The following AP2S1 variants were observed in gnomAD, a reference collection of about 807,000 sequenced individuals.
The protein encoded by AP2S1 is adaptor related protein complex 2 subunit sigma 1.
AP2S1 carries 6 observed loss-of-function variants against 21.0 expected under a neutral mutation model. The observed-to-expected ratio is 0.29, with a 90% CI of 0.16 to 0.56. The LOEUF (loss-of-function observed/expected upper bound fraction) is 0.56. Among genes scored for constraint, AP2S1 ranks in the 20% least tolerant of loss-of-function variants. AP2S1 has a pLI of 0.92. For missense variants in AP2S1, 60 were observed against 186.2 expected (o/e 0.32, Z 3.95); for synonymous variants, 63 against 74.6 (o/e 0.84, Z 0.80).
At chr19:46,847,925 G>C (rs1027279340) in intron 1 of AP2S1, among the ~76,000 whole-genome samples, 2 of 152,096 alleles carry the variant, frequency 1.3e-5, no homozygotes, top group Non-Finnish European at 2.9e-5. Context: ...CATTTCTCTT[G>C]GGTATATACC....
intron 2 of AP2S1, among the ~76,000 whole-genome samples, chr19:46,843,799 TG>T (rs1296497594): frequency 6.6e-6 from 1 of 152,050 alleles, no homozygotes; most frequent in African/African-American, 2.4e-5. Flanking sequence ...CAAGCTGAGG[TG>T]GGAGGCTTGC....
intron 1 of AP2S1, among the ~76,000 whole-genome samples, chr19:46,848,918 G>A (rs1200746379): frequency 6.6e-6 from 1 of 151,448 alleles, no homozygotes; most frequent in Non-Finnish European, 1.5e-5. Context: ...TCACCATGTT[G>A]GTCAGGCTGG....
chr19:46,839,457 CGCCGTA>C lies in AP2S1; in HGVS notation c.267+2_267+7del. ...GCCTCCCCACCTTACATCCCTCTCC[CGCCGTA>C]CCTCCACGAAGTTGTGAATGGCCTC... On this transcript the variant is annotated splice_donor_variant and splice_donor_5th_base_variant and intron_variant, in intron 3 of 4. Coordinates refer to ENST00000263270, the MANE Select transcript of AP2S1 (RefSeq NM_004069.6). LOFTEE classifies it high-confidence loss of function. 1 of 1,611,366 alleles carries C rather than the reference CGCCGTA, an allele frequency of 6.2e-7. No homozygotes were observed. The highest frequency in any genetic ancestry group is 8.5e-7 in the Non-Finnish European group (1 of 1,178,636).
chr19:46,845,322 C>A (rs898336846), intron 2 of AP2S1, among the ~76,000 whole-genome samples: 5 of 151,112 alleles, frequency 3.3e-5, no homozygotes, highest in Non-Finnish European at 7.4e-5. Flanking sequence ...AGGAGAATTG[C>A]TTGAACCTGG....
chr19:46,839,410 G>A (rs1484061041), intron 3 of AP2S1, 55 bp downstream of exon 3: 8 of 1,590,716 alleles, frequency 5.0e-6, no homozygotes, highest in South Asian at 4.4e-5. Context: ...GGCCTTGGGG[G>A]CCACTCCAGG....
intron 1 of AP2S1, among the ~76,000 whole-genome samples, chr19:46,848,086 T>C (rs2055668535): frequency 6.6e-6 from 1 of 152,108 alleles, no homozygotes; most frequent in African/African-American, 2.4e-5. Context: ...AGGATATTCC[T>C]GGCCGGTCAC....
At chr19:46,846,450 T>G (rs1202999328) in intron 1 of AP2S1, among the ~76,000 whole-genome samples, 4 of 145,880 alleles carry the variant, frequency 2.7e-5, no homozygotes, top group Admixed American at 2.0e-4. Context: ...TGTTTTTTTT[T>G]TTTTTTTTTT....
intron 2 of AP2S1, among the ~76,000 whole-genome samples, chr19:46,845,174 C>T (rs1027922697): frequency 1.3e-5 from 2 of 150,146 alleles, no homozygotes; most frequent in Non-Finnish European, 3.0e-5. Context: ...TTTGGAAGGC[C>T]GAGGAGGGTG....
intron 3 of AP2S1, 152 bp downstream of exon 3, chr19:46,839,313 A>AG (rs2055471650): frequency 1.4e-6 from 1 of 711,288 alleles, no homozygotes; most frequent in Non-Finnish European, 2.1e-6. Flanking sequence ...AAAAAAAAAA[A>AG]AAAAGAAAAA....
intron 2 of AP2S1, among the ~76,000 whole-genome samples, chr19:46,841,342 C>A (rs1377399460): frequency 2.6e-5 from 4 of 152,196 alleles, no homozygotes; most frequent in African/African-American, 9.7e-5. Flanking sequence ...TTCTTGCAAT[C>A]CAGCTTTTCT....
At chr19:46,841,998 T>C (rs1401421761) in intron 2 of AP2S1, among the ~76,000 whole-genome samples, 1 of 152,056 alleles carries the variant, frequency 6.6e-6, no homozygotes, top group East Asian at 1.9e-4. Context: ...TTAGGCAACA[T>C]ATCAAGACCC....
At chr19:46,850,376 C>T (rs922375757) in intron 1 of AP2S1, 49 of 1,242,244 alleles carry the variant, frequency 3.9e-5, no homozygotes, top group Non-Finnish European at 4.6e-5. Context: ...CGTCCCAGCG[C>T]TCCCGCCACA....
rs312185 is a variant in AP2S1, at chr19:46,839,610, A to C, written c.154-32T>G. The C allele has an allele frequency of 0.46, 736,949 of 1,613,496 alleles. 174,455 individuals are homozygous for C. The highest frequency in any genetic ancestry group is 0.68 in the African/African-American group (51,157 of 74,948). On this transcript the variant is annotated intron_variant, in intron 2 of 4. Coordinates refer to ENST00000263270, the MANE Select transcript of AP2S1 (RefSeq NM_004069.6). ...AACAGAGAGGCTGTCAGCAACGGAG[A>C]TTGCCAGGACCTAACGTGCCAGACA...
At chr19:46,843,141 T>A (rs1228896330) in intron 2 of AP2S1, among the ~76,000 whole-genome samples, 3 of 152,060 alleles carry the variant, frequency 2.0e-5, no homozygotes, top group Non-Finnish European at 4.4e-5. Context: ...AAGTGGGAAA[T>A]CTAATTGTCG....
intron 1 of AP2S1, among the ~76,000 whole-genome samples, chr19:46,847,469 C>T (rs553608024): frequency 2.0e-5 from 3 of 152,184 alleles, no homozygotes; most frequent in African/African-American, 4.8e-5. Flanking sequence ...CCACCCACCT[C>T]ATCCCCCCAA....
chr19:46,842,888 A>C (rs541638516), intron 2 of AP2S1, among the ~76,000 whole-genome samples: 19 of 151,892 alleles, frequency 1.3e-4, no homozygotes, highest in Non-Finnish European at 2.2e-4. Flanking sequence ...TCCTCGGTCT[A>C]TCCTCACTTC....
chr19:46,839,902 C>G (rs1320100656), intron 2 of AP2S1, among the ~76,000 whole-genome samples: 1 of 152,156 alleles, frequency 6.6e-6, no homozygotes, highest in African/African-American at 2.4e-5. Context: ...CAGGAATGTT[C>G]TAAGCAGATA....
intron 2 of AP2S1, among the ~76,000 whole-genome samples, chr19:46,843,727 G>GA (rs1001455776): frequency 7.3e-5 from 11 of 150,694 alleles, no homozygotes; most frequent in East Asian, 3.9e-4. Flanking sequence ...CACCTGAAAA[G>GA]AAAAAAAAAT....
intron 1 of AP2S1, among the ~76,000 whole-genome samples, chr19:46,848,066 T>C (rs1294866835): frequency 6.6e-6 from 1 of 152,058 alleles, no homozygotes; most frequent in Non-Finnish European, 1.5e-5. Flanking sequence ...GAGTTTACTG[T>C]GAGGAGTAAA....
Sources: gnomAD v4.1 joint callset for allele counts (sites outside exome capture counted in the v4.1 genomes callset) on GRCh38, gnomAD v4.1.1 for gene constraint, MANE v1.5 for transcripts, NCBI Gene and HGNC (gene_info 2026-07-23, HGNC 2026-07-21) for gene names.